The following GPM6A variants were observed in gnomAD, a reference collection of about 807,000 sequenced individuals.
GPM6A encodes the protein glycoprotein M6A.
Under a neutral mutation model 32.1 loss-of-function variants are expected in GPM6A, and 7 were observed. The observed-to-expected ratio is 0.22, with a 90% CI of 0.12 to 0.41. The LOEUF (loss-of-function observed/expected upper bound fraction) is 0.41. Ranked by LOEUF, GPM6A falls within the 10% of genes least tolerant of loss-of-function variation. GPM6A has a pLI of 1.00. For synonymous variants in GPM6A, 130 were observed against 123.4 expected (o/e 1.05, Z -0.35); for missense variants, 235 against 347.2 (o/e 0.68, Z 2.57).
chr4:175,945,838 C>T (rs1404596173), intron 1 of GPM6A, among the ~76,000 whole-genome samples: 5 of 151,392 alleles, frequency 3.3e-5, no homozygotes, highest in Non-Finnish European at 7.4e-5. Flanking sequence ...ATATTACGTA[C>T]AACTCAGTAA....
intron 1 of GPM6A, among the ~76,000 whole-genome samples, chr4:175,930,375 A>G (rs1230591699): frequency 6.7e-6 from 1 of 149,072 alleles, no homozygotes; most frequent in African/African-American, 2.5e-5. Context: ...AAAGCATAAC[A>G]TAAGCTTAAA....
chr4:175,743,268 A>G (rs1731962241), intron 1 of GPM6A, among the ~76,000 whole-genome samples: 1 of 152,094 alleles, frequency 6.6e-6, no homozygotes, highest in Admixed American at 6.6e-5. Flanking sequence ...TGAGGTAGGC[A>G]GACAGAGTTA....
chr4:175,652,056 T>C, intron 3 of GPM6A, 69 bp from the exon 4 acceptor site: 1 of 1,215,852 alleles, frequency 8.2e-7, no homozygotes, highest in Non-Finnish European at 1.2e-6. Context: ...GTGTTTAATC[T>C]GCAAAGCTCC....
intron 1 of GPM6A, among the ~76,000 whole-genome samples, chr4:175,925,908 AT>A (rs1738824979): frequency 6.7e-6 from 1 of 148,642 alleles, no homozygotes; most frequent in Non-Finnish European, 1.5e-5. Context: ...CTGAAGTGCA[AT>A]GGCGTGAGGT....
chr4:175,921,498 T>C (rs1396614952), intron 1 of GPM6A, among the ~76,000 whole-genome samples: 1 of 137,266 alleles, frequency 7.3e-6, no homozygotes, highest in East Asian at 2.2e-4. Context: ...CAAAAAAAAA[T>C]CATGGACCAT....
chr4:175,813,012 A>C, upstream of GPM6A: 1 of 984,536 alleles, frequency 1.0e-6, no homozygotes, highest in Non-Finnish European at 1.2e-6. Context: ...AGTGAGTATA[A>C]AGCTCTAAGC....
chr4:175,741,090 C>G (rs1731870949), intron 1 of GPM6A, among the ~76,000 whole-genome samples: 2 of 151,992 alleles, frequency 1.3e-5, no homozygotes, highest in African/African-American at 4.8e-5. Flanking sequence ...AATTGGTTCT[C>G]CAACGTATTC....
intron 1 of GPM6A, among the ~76,000 whole-genome samples, chr4:175,960,026 G>A (rs1740116513): frequency 6.6e-6 from 1 of 152,136 alleles, no homozygotes; most frequent in African/African-American, 2.4e-5. Context: ...GAGGCACAAA[G>A]AGGTTAAGTA....
chr4:175,820,009 G>A (rs1468510617), intron 1 of GPM6A, among the ~76,000 whole-genome samples: 3 of 152,106 alleles, frequency 2.0e-5, no homozygotes, highest in Non-Finnish European at 4.4e-5. Flanking sequence ...CTACTATAGG[G>A]AGTTGAAGTA....
At chr4:175,901,286 A>C (rs1246409407) in intron 1 of GPM6A, among the ~76,000 whole-genome samples, 1 of 152,196 alleles carries the variant, frequency 6.6e-6, no homozygotes, top group African/African-American at 2.4e-5. Flanking sequence ...AAAATAACTT[A>C]AGAATGTAAT....
intron 1 of GPM6A, among the ~76,000 whole-genome samples, chr4:175,882,009 A>G (rs1737295350): frequency 6.6e-6 from 1 of 152,030 alleles, no homozygotes; most frequent in Non-Finnish European, 1.5e-5. Context: ...AATAAATAAA[A>G]ATAAATTTTA....
At chr4:175,828,871 T>A (rs796582255) in intron 1 of GPM6A, among the ~76,000 whole-genome samples, 5 of 152,226 alleles carry the variant, frequency 3.3e-5, no homozygotes, top group African/African-American at 1.2e-4. Context: ...TGTAAATTTA[T>A]ATTGGCATTA....
rs139615434 is a variant in GPM6A at position 175,824,530 on chromosome 4, T to C, written c.-22-12281A>G. Among the ~76,000 whole-genome samples the C allele has an allele frequency of 4.5e-3, 680 of 152,316 alleles. 5 individuals are homozygous for C. The highest frequency in any genetic ancestry group is 0.015 in the African/African-American group (634 of 41,572). Reference sequence around the variant, plus strand: ...TGTAGCTCATATTTGCCAGATATCATACATTTTTTATTTTTAATATTTCAG... The same window carrying C: ...TGTAGCTCATATTTGCCAGATATCACACATTTTTTATTTTTAATATTTCAG... On this transcript the variant is annotated intron_variant, in intron 1 of 7. Coordinates refer to the GPM6A transcript ENST00000280187.
intron 1 of GPM6A, among the ~76,000 whole-genome samples, chr4:175,930,836 C>T (rs1165320845): frequency 1.3e-5 from 2 of 151,978 alleles, no homozygotes. Context: ...ATTATTAAAT[C>T]ATTGACATTT....
chr4:175,800,195 C>T (rs1329439403), intron 1 of GPM6A, among the ~76,000 whole-genome samples: 1 of 152,020 alleles, frequency 6.6e-6, no homozygotes, highest in Admixed American at 6.6e-5. Context: ...GAGGGCTAAA[C>T]TGAAGAGCAA....
chr4:175,648,595 A>T (rs1213125557), intron 4 of GPM6A, among the ~76,000 whole-genome samples: 1 of 152,218 alleles, frequency 6.6e-6, no homozygotes, highest in African/African-American at 2.4e-5. Context: ...CAGTTCTGGA[A>T]GACAAAGCTA....
At chr4:175,835,059 C>T (rs1351805200) in intron 1 of GPM6A, among the ~76,000 whole-genome samples, 1 of 152,174 alleles carries the variant, frequency 6.6e-6, no homozygotes, top group African/African-American at 2.4e-5. Flanking sequence ...CTTGAGAAGA[C>T]AGTGCTGCCG....
intron 2 of GPM6A, among the ~76,000 whole-genome samples, chr4:175,691,308 T>G (rs1744284844): frequency 6.6e-6 from 1 of 152,204 alleles, no homozygotes; most frequent in Non-Finnish European, 1.5e-5. Context: ...ATCATCCATA[T>G]TATCCTACTT....
At chr4:175,658,892 A>G (rs778429779) in intron 3 of GPM6A, among the ~76,000 whole-genome samples, 27 of 152,184 alleles carry the variant, frequency 1.8e-4, no homozygotes, top group Non-Finnish European at 3.5e-4. Context: ...CTTCAATCTC[A>G]ATTGGCAAGG....
Sources: gnomAD v4.1 joint callset for allele counts (sites outside exome capture counted in the v4.1 genomes callset) on GRCh38, gnomAD v4.1.1 for gene constraint, MANE v1.5 for transcripts, NCBI Gene and HGNC (gene_info 2026-07-23, HGNC 2026-07-21) for gene names.